Variants in ABCA1 observed in about 807,000 individuals in gnomAD.
The protein encoded by ABCA1 is ATP binding cassette subfamily A member 1.
In ABCA1, 133 loss-of-function variants were observed where a neutral mutation model predicts 262.5. That is an observed-to-expected ratio of 0.51 (90% CI 0.44 to 0.59). The LOEUF is 0.59. Among genes scored for constraint, ABCA1 ranks in the 20% least tolerant of loss-of-function variants. The pLI, the probability that ABCA1 is intolerant of heterozygous loss-of-function variation, is 0.00. For synonymous variants in ABCA1, 1,022 were observed against 1,043.5 expected, an observed-to-expected ratio of 0.98 and a Z score of 0.40; for missense variants, 2,452 against 2,777.5, an observed-to-expected ratio of 0.88 and a Z score of 2.63.
intron 45 of ABCA1, 101 bp from the exon 46 acceptor site, chr9:104,788,155 G>A: frequency 7.5e-7 from 1 of 1,340,214 alleles, no homozygotes; most frequent in Admixed American, 1.7e-5. Flanking sequence ...AGTAGGACTA[G>A]ATTCTATAAT....
intron 34 of ABCA1, 145 bp downstream of exon 34, chr9:104,801,909 A>G (rs1830371848): frequency 1.3e-6 from 1 of 793,544 alleles, no homozygotes; most frequent in Non-Finnish European, 2.2e-6. Flanking sequence ...GTCTGGCTCA[A>G]ATCGCTAAAT....
chr9:104,855,775 T>C (rs993713871), intron 7 of ABCA1: 3 of 1,563,500 alleles, frequency 1.9e-6, no homozygotes, highest in Non-Finnish European at 2.6e-6. Flanking sequence ...CAGACCCAGC[T>C]GACCCTCCCA....
At chr9:104,833,506 A>G (rs1472616770) in intron 11 of ABCA1, among the ~76,000 whole-genome samples, 1 of 152,094 alleles carries the variant, frequency 6.6e-6, no homozygotes, top group Non-Finnish European at 1.5e-5. Context: ...TTCCCATTTT[A>G]TACATGAGAA....
rs78072322 is a variant in ABCA1, at chr9:104,793,325, G to A, written c.5507-25C>T. 8,449 of 1,613,936 alleles carry A rather than the reference G, an allele frequency of 5.2e-3. 415 individuals carry two copies. The African/African-American group carries it at 0.099, about 19-fold the overall frequency. On this transcript the variant is annotated intron_variant, in intron 40 of 49. Transcript: ENST00000374736. ...CCTAGTAGACACAATGCAGAGATCC[G>A]GTCAGAATGGAGGGATCAAAAACCA...
intron 1 of ABCA1, among the ~76,000 whole-genome samples, chr9:104,918,660 A>G (rs1310925487): frequency 6.6e-6 from 1 of 152,176 alleles, no homozygotes; most frequent in African/African-American, 2.4e-5. Context: ...TCTCTCTCAC[A>G]GTACCAGACA....
chr9:104,890,172 G>A (rs1430081146), intron 2 of ABCA1, among the ~76,000 whole-genome samples: 1 of 152,180 alleles, frequency 6.6e-6, no homozygotes, highest in Non-Finnish European at 1.5e-5. Context: ...GAGCCCAAAA[G>A]AGTCACAGGG....
At position 104,804,714 on chromosome 9, in the gene ABCA1, G is replaced by C; in HGVS notation, c.4471C>G (p.Gln1491Glu). The change falls in exon 32 of 50, where the codon CAA becomes GAA. Residue 1491 changes from glutamine (Q) to glutamate (E), a missense_variant. This residue lies in a region of ABCA1 where 752 missense variants were observed against 944.5 expected (regional missense o/e 0.80). Coordinates refer to ENST00000374736, the MANE Select transcript of ABCA1 (RefSeq NM_005502.4). ...TCCTGAAGGATATCTGCAGTGTTTT[G>C]TTTTCTCTGTCATCACATGAAAACC... is the stretch of plus-strand genomic sequence containing the variant. ...AGGLPPPQRKQNTADILQDLT... is the reference protein window; with the variant it reads ...AGGLPPPQRKENTADILQDLT... 1.2e-6 allele frequency: 2 copies of C among 1,613,868 alleles called. No individual in the cohort carries two copies. The highest frequency in any genetic ancestry group is 1.7e-6 in the Non-Finnish European group (2 of 1,179,762).
intron 24 of ABCA1, among the ~76,000 whole-genome samples, chr9:104,816,692 G>A (rs571148961): frequency 6.2e-4 from 94 of 152,106 alleles, no homozygotes; most frequent in Middle Eastern, 6.8e-3. Flanking sequence ...TCAAAGTCTG[G>A]TGTCTATTGC....
intron 46 of ABCA1, 104 bp downstream of exon 46, chr9:104,787,816 A>G: frequency 1.1e-5 from 17 of 1,611,414 alleles, no homozygotes; most frequent in Non-Finnish European, 1.4e-5. Flanking sequence ...TCCCTGGGGG[A>G]AGACAAGCCA....
chr9:104,831,163 A>G, intron 13 of ABCA1, 62 bp from the exon 14 acceptor site: 1 of 1,459,366 alleles, frequency 6.9e-7, no homozygotes, highest in Admixed American at 2.2e-5. Flanking sequence ...AAAAAAAAAA[A>G]AAAAAAATTG....
intron 7 of ABCA1, among the ~76,000 whole-genome samples, chr9:104,850,073 TG>T (rs749220835): frequency 1.3e-5 from 2 of 152,198 alleles, no homozygotes; most frequent in Non-Finnish European, 2.9e-5. Context: ...AAATAGAACC[TG>T]GAGTCAGCAC....
At chr9:104,792,431 C>A (rs1829506461) in intron 42 of ABCA1, among the ~76,000 whole-genome samples, 1 of 152,104 alleles carries the variant, frequency 6.6e-6, no homozygotes, top group Non-Finnish European at 1.5e-5. Context: ...TGAACACAGG[C>A]AATATATCAG....
chr9:104,912,139 T>C (rs1031829253), intron 1 of ABCA1, among the ~76,000 whole-genome samples: 1 of 152,248 alleles, frequency 6.6e-6, no homozygotes, highest in African/African-American at 2.4e-5. Context: ...ATAAGGGCTA[T>C]GAATTTGTAA....
At chr9:104,833,221 G>T (rs528013926) in intron 11 of ABCA1, among the ~76,000 whole-genome samples, 5 of 152,048 alleles carry the variant, frequency 3.3e-5, no homozygotes, top group Non-Finnish European at 5.9e-5. Flanking sequence ...TCGCTCTGCC[G>T]CCCGGGCTGG....
At chr9:104,862,785 G>A (rs931596470) in intron 5 of ABCA1, among the ~76,000 whole-genome samples, 1 of 108,152 alleles carries the variant, frequency 9.2e-6, no homozygotes, top group South Asian at 3.3e-4. Context: ...CCTGGGATGC[G>A]ACTGGAGAAT....
rs144705133 is a variant in ABCA1 at position 104,809,317 on chromosome 9, C to T, written c.4274+149G>A. The T allele has an allele frequency of 1.8e-5, 15 of 833,960 alleles. No individual in the cohort carries two copies. In the East Asian group the frequency reaches 3.8e-4, roughly 21 times the overall value. The allele number at this position is 833,960 out of a possible 1,614,324, so 51.7% of individuals were successfully genotyped here. On this transcript the variant is annotated intron_variant, in intron 30 of 49. Coordinates refer to ENST00000374736, the MANE Select transcript of ABCA1 (RefSeq NM_005502.4). ...CTAGATAATTTAGTTCGGTTACTAC[C>T]TTCGCTTTTTGTAAATAAAACATAA... is the stretch of plus-strand genomic sequence containing the variant.
rs762508711 is a variant in ABCA1 at position 104,837,420 on chromosome 9, C to A, written c.1194+8G>T. On this transcript the variant is annotated splice_region_variant and intron_variant, in intron 10 of 49. Transcript: ENST00000374736. ...TGGGGAGGGAGTCTTGGGCTGGGGGCAGCTTACCTCAGCCATGACCTGCCT... is the reference window on the plus strand; with the variant it reads ...TGGGGAGGGAGTCTTGGGCTGGGGGAAGCTTACCTCAGCCATGACCTGCCT... The A allele has an allele frequency of 1.2e-6, 2 of 1,613,854 alleles. No individual in the cohort carries two copies. The highest frequency in any genetic ancestry group is 2.2e-5 in the East Asian group (1 of 44,890).
chr9:104,797,086 A>C (rs1268508179), intron 37 of ABCA1, among the ~76,000 whole-genome samples: 1 of 152,164 alleles, frequency 6.6e-6, no homozygotes, highest in Admixed American at 6.5e-5. Flanking sequence ...TGATGTGTTT[A>C]TCAACAACTT....
intron 5 of ABCA1, among the ~76,000 whole-genome samples, chr9:104,865,750 T>C (rs1300388847): frequency 6.6e-6 from 1 of 152,172 alleles, no homozygotes; most frequent in Admixed American, 6.5e-5. Flanking sequence ...GATATGAAGA[T>C]CAGAGATACT....
Sources: gnomAD v4.1 joint callset for allele counts (sites outside exome capture counted in the v4.1 genomes callset) on GRCh38, gnomAD v4.1.1 for gene constraint, gnomAD v4.1.1 regional missense constraint, MANE v1.5 for transcripts, NCBI Gene and HGNC (gene_info 2026-07-23, HGNC 2026-07-21) for gene names.